TMF1: variants seen among roughly 807,000 people sequenced by gnomAD.
The protein encoded by TMF1 is TATA element modulatory factor 1.
A neutral mutation model predicts 126.5 loss-of-function variants in TMF1; 71 were observed. That is an observed-to-expected ratio of 0.56 (90% CI 0.46 to 0.68). TMF1 has a LOEUF of 0.68. Ranked by LOEUF, TMF1 falls within the 30% of genes least tolerant of loss-of-function variation. TMF1 has a pLI of 0.00. For synonymous variants in TMF1, 461 were observed against 430.5 expected, an observed-to-expected ratio of 1.07 and a Z score of -0.88; for missense variants, 1,259 against 1,253.2, an observed-to-expected ratio of 1.00 and a Z score of -0.07.
Position 69,022,881 on chromosome 3 carries a change from C to G in TMF1, c.*296G>C. On this transcript the variant is annotated 3_prime_UTR_variant, in exon 17 of 17. Coordinates refer to ENST00000398559, the MANE Select transcript of TMF1 (RefSeq NM_007114.3). ...CATATATGAACACCATTCTTCTTCT[C>G]TAGCCATATTTATATGAGGATAAAG... The G allele has an allele frequency of 4.6e-6, 1 of 217,328 alleles. No homozygotes were observed. Among genetic ancestry groups the G allele is most frequent in the Non-Finnish European group, 9.0e-6 (1 of 110,502 alleles). The allele number at this position is 217,328 out of a possible 1,614,324, so 13.5% of individuals were successfully genotyped here.
At position 69,022,650 on chromosome 3, in the gene TMF1, T is replaced by C. The variant is rs1306302585; in HGVS notation, c.*527A>G. ...ACTCTTACTTTTAAAGGAAAAAAATTAGTTTAAAATTTAATAGCCACAGAT... is the reference window on the plus strand; with the variant it reads ...ACTCTTACTTTTAAAGGAAAAAAATCAGTTTAAAATTTAATAGCCACAGAT... On this transcript the variant is annotated 3_prime_UTR_variant, in exon 17 of 17. Coordinates refer to ENST00000398559, the MANE Select transcript of TMF1 (RefSeq NM_007114.3). 6.6e-6 allele frequency: 1 copy of C among 152,494 alleles called. No homozygotes were observed. The highest frequency in any genetic ancestry group is 1.5e-5 in the Non-Finnish European group (1 of 67,938). 9.4% of individuals were successfully genotyped at this position (152,494 alleles called of 1,614,324 possible).
chr3:69,020,754 T>C lies in TMF1; in HGVS notation c.*2423A>G, dbSNP rs997198687. 1 of 152,184 alleles carries C rather than the reference T, an allele frequency of 6.6e-6. No homozygotes were observed. Among genetic ancestry groups the C allele is most frequent in the Non-Finnish European group, 1.5e-5 (1 of 67,996 alleles). 9.4% of individuals were successfully genotyped at this position (152,184 alleles called of 1,614,324 possible). On this transcript the variant is annotated 3_prime_UTR_variant, in exon 17 of 17. Transcript: ENST00000398559. Reference sequence around the variant, plus strand: ...ATGATCAGTTTGAGTATCAGCTATTTATTTGTAGATAAAGAGTAATATATG... The same window carrying C: ...ATGATCAGTTTGAGTATCAGCTATTCATTTGTAGATAAAGAGTAATATATG...
chr3:69,047,766 G>T lies in TMF1; in HGVS notation c.939C>A (p.Leu313=), dbSNP rs200147058. 1,822 of 1,613,942 alleles carry T rather than the reference G, an allele frequency of 1.1e-3. 2 individuals are homozygous for T. The highest frequency in any genetic ancestry group is 1.4e-3 in the Non-Finnish European group (1,688 of 1,180,026). The change falls in exon 2 of 17, where the codon CTC becomes CTA. Residue 313 remains leucine (L), a synonymous_variant. Coordinates refer to ENST00000398559, the MANE Select transcript of TMF1 (RefSeq NM_007114.3). The stretch of plus-strand genomic sequence containing the variant: ...CATCAGATGAACAGCAACTCTCAGT[G>T]AGTTTTTGGAAATCATCTAAACGAT... ...EYNRLDDFQK[L]TESCCSSDAF... is the part of the protein sequence containing the mutation.
At chr3:69,038,472 A>G in intron 8 of TMF1, 92 bp downstream of exon 8, 1 of 1,368,482 alleles carries the variant, frequency 7.3e-7, no homozygotes, top group East Asian at 2.3e-5. Flanking sequence ...ATGTATCACT[A>G]CATTGTTTGA....
intron 9 of TMF1, chr3:69,033,921 C>A (rs189586055): frequency 5.3e-6 from 2 of 374,212 alleles, no homozygotes; most frequent in East Asian, 1.0e-4. Context: ...GCCTCAACCT[C>A]CTAGGCTCAA....
rs2091721748 is a variant in TMF1 at position 69,020,178 on chromosome 3, A to T, written c.*2999T>A. 6.6e-6 allele frequency: 1 copy of T among 152,162 alleles called. No individual in the cohort carries two copies. Among genetic ancestry groups the T allele is most frequent in the African/African-American group, 2.4e-5 (1 of 41,444 alleles). The allele number at this position is 152,162 out of a possible 1,614,324, so 9.4% of individuals were successfully genotyped here. ...AACTCTCAATAAATGCCAACTGAAGAGATGGAGAAAAAAAATTTCCTGAAC... is the reference window on the plus strand; with the variant it reads ...AACTCTCAATAAATGCCAACTGAAGTGATGGAGAAAAAAAATTTCCTGAAC... On this transcript the variant is annotated 3_prime_UTR_variant, in exon 17 of 17. Transcript: ENST00000398559.
intron 8 of TMF1, among the ~76,000 whole-genome samples, chr3:69,036,761 T>C (rs929631175): frequency 1.3e-5 from 2 of 152,174 alleles, no homozygotes; most frequent in African/African-American, 4.8e-5. Context: ...CAACAACTGG[T>C]CCTGCAACAA....
intron 2 of TMF1, among the ~76,000 whole-genome samples, 169 bp downstream of exon 2, chr3:69,047,184 AATTAT>A (rs1296592999): frequency 6.6e-6 from 1 of 152,246 alleles, no homozygotes; most frequent in Non-Finnish European, 1.5e-5. Flanking sequence ...AGAAATTCCA[AATTAT>A]ATTAATAATT....
At position 69,044,010 on chromosome 3, in the gene TMF1, T is replaced by C. The variant is rs567341805; in HGVS notation, c.1452-134A>G. The C allele has an allele frequency of 5.2e-4, 304 of 580,648 alleles. 1 individual carries two copies. The East Asian group carries it at 0.01, about 20-fold the overall frequency. The allele number at this position is 580,648 out of a possible 1,614,324, so 36.0% of individuals were successfully genotyped here. On this transcript the variant is annotated intron_variant, in intron 3 of 16. Transcript: ENST00000398559. ...TTAAAATAGAACAGTTTTAGGCCTA[T>C]TAACTTTTAAGAAAAAAAAAGGAAA... is the stretch of plus-strand genomic sequence containing the variant.
chr3:69,040,503 T>C (rs1046396994), intron 5 of TMF1: 1 of 152,204 alleles, frequency 6.6e-6, no homozygotes, highest in Admixed American at 6.5e-5. Context: ...GGGTAGTGTA[T>C]GTATGTGCAG....
chr3:69,038,633 T>C lies in TMF1; in HGVS notation c.2082A>G (p.Glu694=), dbSNP rs2091845960. 1 of 1,614,104 alleles carries C rather than the reference T, an allele frequency of 6.2e-7. No homozygotes were observed. The highest frequency in any genetic ancestry group is 8.5e-7 in the Non-Finnish European group (1 of 1,180,042). ...AALSREMKAK[E]ELSAALEKAQ... is the part of the protein sequence containing the mutation. ...CCTTCTCTAATGCTGCAGAAAGTTC[T>C]TCTTTAGCTTTCATTTCACGGCTCA... is the stretch of plus-strand genomic sequence containing the variant. The change falls in exon 8 of 17, where the codon GAA becomes GAG. Residue 694 remains glutamate (E), a synonymous_variant. Coordinates refer to ENST00000398559, the MANE Select transcript of TMF1 (RefSeq NM_007114.3).
Position 69,042,797 on chromosome 3 carries a change from C to CTA in TMF1, c.1684+8_1684+9dup. 6.2e-7 allele frequency: 1 copy of CTA among 1,607,852 alleles called. No homozygotes were observed. Among genetic ancestry groups the CTA allele is most frequent in the Non-Finnish European group, 8.5e-7 (1 of 1,174,888 alleles). The stretch of plus-strand genomic sequence containing the variant: ...AGTATTTTTCATAGTCAACCAAATA[C>CTA]TATACGCACCTTCTTCCATTAACCC... On this transcript the variant is annotated intron_variant, in intron 5 of 16. Transcript: ENST00000398559.
At chr3:69,051,320 C>CA (rs1285941409) in intron 1 of TMF1, among the ~76,000 whole-genome samples, 1 of 151,980 alleles carries the variant, frequency 6.6e-6, no homozygotes, top group Non-Finnish European at 1.5e-5. Context: ...ACTAAAAATA[C>CA]AAAAAGTTGC....
intron 1 of TMF1, among the ~76,000 whole-genome samples, chr3:69,050,326 T>C (rs957936115): frequency 6.6e-6 from 1 of 151,666 alleles, no homozygotes; most frequent in African/African-American, 2.4e-5. Flanking sequence ...CAAAGGCAGT[T>C]AGGATGAAAA....
intron 5 of TMF1, 66 bp downstream of exon 5, chr3:69,042,741 G>C (rs780786282): frequency 7.6e-7 from 1 of 1,308,788 alleles, no homozygotes; most frequent in South Asian, 1.2e-5. Context: ...GCATCAGCTA[G>C]TTATGTGGCA....
Position 69,044,578 on chromosome 3 carries a change from A to G in TMF1, c.1365T>C (p.Asn455=), listed in dbSNP as rs1050888493. ...GAGCCTCCCTTTTTTCCAGCTTTTC[A>G]TTCAGAAATTCAACTGTCTGGATAA... ...EDVCKTVEFL[N]EKLEKREAQL... is the part of the protein sequence containing the mutation. Residue 455 remains asparagine, a synonymous_variant, in exon 3 of 17, where the codon AAT becomes AAC. Coordinates refer to ENST00000398559, the MANE Select transcript of TMF1 (RefSeq NM_007114.3). 6.2e-7 allele frequency: 1 copy of G among 1,607,458 alleles called. No homozygotes were observed. The highest frequency in any genetic ancestry group is 8.5e-7 in the Non-Finnish European group (1 of 1,177,816).
intron 9 of TMF1, chr3:69,033,918 C>T (rs2091818421): frequency 7.8e-6 from 3 of 386,412 alleles, no homozygotes; most frequent in Non-Finnish European, 9.2e-6. Context: ...GTAGCCTCAA[C>T]CTCCTAGGCT....
Position 69,022,225 on chromosome 3 carries a change from ATTCT to A in TMF1, c.*948_*951del, listed in dbSNP as rs2091742361. On this transcript the variant is annotated 3_prime_UTR_variant, in exon 17 of 17. Coordinates refer to ENST00000398559, the MANE Select transcript of TMF1 (RefSeq NM_007114.3). ...TGCCAAATTCAAGTTAATTCCTATA[ATTCT>A]TCCATTTTGTTATGAATATTCTGTA... The A allele has an allele frequency of 6.6e-6, 1 of 152,372 alleles. No homozygotes were observed. Among genetic ancestry groups the A allele is most frequent in the South Asian group, 2.1e-4 (1 of 4,838 alleles). 9.4% of individuals were successfully genotyped at this position (152,372 alleles called of 1,614,324 possible).
chr3:69,029,034 C>G (rs1408550414), intron 11 of TMF1, among the ~76,000 whole-genome samples: 2 of 145,370 alleles, frequency 1.4e-5, no homozygotes, highest in Non-Finnish European at 1.5e-5. Flanking sequence ...TATCCTATTA[C>G]TTTATTTATT....
Sources: allele counts gnomAD v4.1 joint callset (sites outside exome capture counted in the v4.1 genomes callset), GRCh38; gene constraint gnomAD v4.1.1; transcripts MANE v1.5; gene names NCBI Gene and HGNC (gene_info 2026-07-23, HGNC 2026-07-21).